The following AGBL4 variants were observed in gnomAD, a reference collection of about 807,000 sequenced individuals.
AGBL4 encodes cytosolic carboxypeptidase 6.
A neutral mutation model predicts 66.4 loss-of-function variants in AGBL4; 58 were observed. The observed-to-expected ratio is 0.87, with a 90% CI of 0.71 to 1.09. AGBL4 has a LOEUF of 1.09. Among genes scored for constraint, AGBL4 ranks in the 50% least tolerant of loss-of-function variants. AGBL4 has a pLI of 0.00. For synonymous variants in AGBL4, 234 were observed against 222.9 expected, an observed-to-expected ratio of 1.05 and a Z score of -0.44; for missense variants, 579 against 631.0, an observed-to-expected ratio of 0.92 and a Z score of 0.88.
chr1:49,201,680 C>T (rs1647711562), intron 4 of AGBL4, among the ~76,000 whole-genome samples: 2 of 152,150 alleles, frequency 1.3e-5, no homozygotes, highest in South Asian at 4.1e-4. Flanking sequence ...TTCAAGAAGT[C>T]ATTACAGCTT....
chr1:48,619,587 T>A (rs1259692248), intron 9 of AGBL4, among the ~76,000 whole-genome samples: 1 of 152,194 alleles, frequency 6.6e-6, no homozygotes, highest in Admixed American at 6.5e-5. Flanking sequence ...CCGAGTCACA[T>A]AGCAAAGATG....
At chr1:48,987,082 T>A (rs1273519589) in intron 5 of AGBL4, among the ~76,000 whole-genome samples, 1 of 151,388 alleles carries the variant, frequency 6.6e-6, no homozygotes, top group Non-Finnish European at 1.5e-5. Flanking sequence ...GAATACTCCA[T>A]AACCATAACC....
chr1:49,393,599 A>T (rs1045846792), intron 3 of AGBL4, among the ~76,000 whole-genome samples: 1 of 152,214 alleles, frequency 6.6e-6, no homozygotes, highest in Admixed American at 6.5e-5. Flanking sequence ...GTATGAAAAT[A>T]TGCAGTTGGA....
chr1:49,855,739 C>T (rs540733152), intron 1 of AGBL4, among the ~76,000 whole-genome samples: 1 of 151,968 alleles, frequency 6.6e-6, no homozygotes, highest in Non-Finnish European at 1.5e-5. Flanking sequence ...CAAAAACCTA[C>T]GTGATAAAGC....
intron 2 of AGBL4, among the ~76,000 whole-genome samples, chr1:49,750,784 C>T (rs1019131565): frequency 9.2e-5 from 14 of 152,230 alleles, no homozygotes; most frequent in Admixed American, 6.5e-5. Context: ...GTTTGTAGTT[C>T]TACTTGAACA....
intron 5 of AGBL4, among the ~76,000 whole-genome samples, chr1:48,987,806 G>A (rs759834544): frequency 3.3e-5 from 5 of 152,134 alleles, no homozygotes; most frequent in African/African-American, 4.8e-5. Flanking sequence ...CTACATAAAA[G>A]CTGTAAGAAC....
In AGBL4 at chr1:49,953,080, A is replaced by T. The variant is rs553833855; in HGVS notation, c.34+70683T>A. 2.6e-5 allele frequency among the ~76,000 whole-genome samples: 4 copies of T among 152,068 alleles called. No individual in the cohort carries two copies. The East Asian group carries it at 5.8e-4, about 22-fold the overall frequency. ...CACTGAAGTAGCTAATAAAAACATA[A>T]AAGAAGAATGATAGCCATGAACAGA... On this transcript the variant is annotated intron_variant, in intron 1 of 13. Coordinates refer to ENST00000371839, the MANE Select transcript of AGBL4 (RefSeq NM_032785.4).
At chr1:48,616,563 T>C (rs1004583468) in intron 9 of AGBL4, among the ~76,000 whole-genome samples, 3 of 152,176 alleles carry the variant, frequency 2.0e-5, no homozygotes, top group Non-Finnish European at 4.4e-5. Flanking sequence ...TTGGGCCAAA[T>C]TACTTCATCC....
chr1:48,693,895 C>T (rs990282708), intron 6 of AGBL4, among the ~76,000 whole-genome samples: 4 of 151,962 alleles, frequency 2.6e-5, no homozygotes, highest in African/African-American at 4.8e-5. Flanking sequence ...CAGGGGGCCA[C>T]GGAATTGCGA....
chr1:48,601,446 A>C (rs2148364198), intron 9 of AGBL4, among the ~76,000 whole-genome samples: 1 of 152,290 alleles, frequency 6.6e-6, no homozygotes, highest in South Asian at 2.1e-4. Flanking sequence ...GGAGCTCAAA[A>C]CCTTGTGAAG....
intron 3 of AGBL4, among the ~76,000 whole-genome samples, chr1:49,500,535 C>T (rs984858700): frequency 1.3e-5 from 2 of 151,800 alleles, no homozygotes; most frequent in Non-Finnish European, 2.9e-5. Flanking sequence ...GTTTTTGACT[C>T]ACCTTGAGTT....
chr1:49,575,738 C>A (rs544879438), intron 3 of AGBL4, among the ~76,000 whole-genome samples: 21 of 152,356 alleles, frequency 1.4e-4, no homozygotes, highest in Non-Finnish European at 2.2e-4. Context: ...ACTGACTTGG[C>A]AAATGCCTTT....
At chr1:49,658,332 G>T (rs1646193023) in intron 3 of AGBL4, among the ~76,000 whole-genome samples, 1 of 152,148 alleles carries the variant, frequency 6.6e-6, no homozygotes, top group Admixed American at 6.5e-5. Context: ...AAGTTAGAAG[G>T]GTGATCATTA....
intron 3 of AGBL4, among the ~76,000 whole-genome samples, chr1:49,286,193 G>A (rs1176483028): frequency 1.3e-5 from 2 of 152,196 alleles, no homozygotes; most frequent in African/African-American, 4.8e-5. Context: ...AATAAATTAG[G>A]TATTGATGGG....
At chr1:48,685,166 A>G (rs1017745800) in intron 6 of AGBL4, among the ~76,000 whole-genome samples, 10 of 152,240 alleles carry the variant, frequency 6.6e-5, no homozygotes, top group African/African-American at 2.2e-4. Context: ...CGATCCTTTC[A>G]TAGAATTTTT....
intron 3 of AGBL4, among the ~76,000 whole-genome samples, chr1:49,352,690 A>G (rs1643935956): frequency 6.6e-6 from 1 of 152,138 alleles, no homozygotes; most frequent in Admixed American, 6.5e-5. Context: ...ATGAAGAAAA[A>G]TGAGGACAGA....
chr1:48,600,453 G>A (rs952380329), intron 9 of AGBL4, among the ~76,000 whole-genome samples: 1 of 151,484 alleles, frequency 6.6e-6, no homozygotes, highest in Non-Finnish European at 1.5e-5. Context: ...GGTTGTGTGG[G>A]AACCCGAGAT....
intron 1 of AGBL4, among the ~76,000 whole-genome samples, chr1:49,865,447 C>T (rs1273945320): frequency 6.6e-6 from 1 of 152,134 alleles, no homozygotes; most frequent in African/African-American, 2.4e-5. Flanking sequence ...TATCCAGATA[C>T]AAGAGGGACC....
chr1:49,547,169 T>C (rs1202477138), intron 3 of AGBL4, among the ~76,000 whole-genome samples: 1 of 152,232 alleles, frequency 6.6e-6, no homozygotes, highest in Non-Finnish European at 1.5e-5. Context: ...CATCTTGTGT[T>C]GATTTTTTAA....
Sources: gnomAD v4.1 joint callset for allele counts (sites outside exome capture counted in the v4.1 genomes callset) on GRCh38, gnomAD v4.1.1 for gene constraint, MANE v1.5 for transcripts, NCBI Gene and HGNC (gene_info 2026-07-23, HGNC 2026-07-21) for gene names.